The following OLFM2 variants were observed in gnomAD, a reference collection of about 807,000 sequenced individuals.
The protein encoded by OLFM2 is olfactomedin 2.
A neutral mutation model predicts 43.9 loss-of-function variants in OLFM2; 20 were observed. The ratio of observed to expected loss-of-function variants is 0.46; its 90% CI spans 0.32 to 0.66. The LOEUF is 0.66. Ranked by LOEUF, OLFM2 falls within the 30% of genes least tolerant of loss-of-function variation. The pLI, the probability that OLFM2 is intolerant of heterozygous loss-of-function variation, is 0.04. For synonymous variants in OLFM2, 268 were observed against 278.6 expected (o/e 0.96, Z 0.38); for missense variants, 416 against 643.6 (o/e 0.65, Z 3.83).
At position 9,931,898 on chromosome 19, in the gene OLFM2, T is replaced by C. The variant is rs553008004; in HGVS notation, c.63+4406A>G. On this transcript the variant is annotated intron_variant, in intron 1 of 5. Coordinates refer to ENST00000264833, the MANE Select transcript of OLFM2 (RefSeq NM_058164.4). Reference sequence around the variant, plus strand: ...GAATGGATTTTCTTGGTGCCTTCCATCCAGGAGCGAGTGTTCCCCTGACAC... The same window carrying C: ...GAATGGATTTTCTTGGTGCCTTCCACCCAGGAGCGAGTGTTCCCCTGACAC... Among the ~76,000 whole-genome samples the C allele has an allele frequency of 9.9e-5, 15 of 152,168 alleles. No homozygotes were observed. In the South Asian group the frequency reaches 1.0e-3, roughly 11 times the overall value.
intron 1 of OLFM2, among the ~76,000 whole-genome samples, chr19:9,935,695 ACT>A (rs1171316984): frequency 4.0e-5 from 6 of 151,650 alleles, no homozygotes; most frequent in Admixed American, 3.9e-4. Flanking sequence ...TCACACACAG[ACT>A]CTGTCTCACG....
chr19:9,875,011 T>C (rs1044419235), intron 1 of OLFM2, among the ~76,000 whole-genome samples: 3 of 152,188 alleles, frequency 2.0e-5, no homozygotes, highest in Non-Finnish European at 4.4e-5. Flanking sequence ...GCTTCCTAAA[T>C]GAACAAATAT....
intron 1 of OLFM2, among the ~76,000 whole-genome samples, chr19:9,909,950 T>C (rs1451271851): frequency 7.3e-6 from 1 of 137,120 alleles, no homozygotes; most frequent in Non-Finnish European, 1.6e-5. Context: ...GATTCAGTCA[T>C]TGGACAAATA....
At position 9,857,089 on chromosome 19, in the gene OLFM2, T is replaced by C; in HGVS notation, c.580+174A>G. The C allele has an allele frequency of 3.7e-6, 3 of 814,872 alleles. No individual in the cohort carries two copies. Among genetic ancestry groups the C allele is most frequent in the African/African-American group, 1.7e-5 (1 of 58,974 alleles). The allele number at this position is 814,872 out of a possible 1,614,324, so 50.5% of individuals were successfully genotyped here. On this transcript the variant is annotated intron_variant, in intron 4 of 5. Transcript: ENST00000264833. This position sits in a 1 kb window ranked among gnomAD's most constrained non-coding sequence, Gnocchi z 5.7. ...TGAGTGAGGGGTTAGAGGCCAAGGG[T>C]CAGGGCCATTTCCAGCTTCTGGACT...
At chr19:9,920,386 A>G (rs1300140382) in intron 1 of OLFM2, among the ~76,000 whole-genome samples, 1 of 152,100 alleles carries the variant, frequency 6.6e-6, no homozygotes, top group Non-Finnish European at 1.5e-5. Flanking sequence ...TGAGCCCAAG[A>G]TTCCTTGCTT....
intron 1 of OLFM2, among the ~76,000 whole-genome samples, chr19:9,870,626 GC>G (rs2046434553): frequency 6.6e-6 from 1 of 152,004 alleles, no homozygotes; most frequent in Non-Finnish European, 1.5e-5. Flanking sequence ...TCATCTCCAG[GC>G]CTTTGCACGG....
rs1165333101 is a variant in OLFM2 at position 9,909,355 on chromosome 19, G to A, written c.63+26949C>T. Among the ~76,000 whole-genome samples, 23 of 152,164 alleles carry A rather than the reference G, an allele frequency of 1.5e-4. 1 individual carries two copies. Among genetic ancestry groups the A allele is most frequent in the Admixed American group, 1.5e-3 (23 of 15,262 alleles). ...CTGGCAATACAGCTGACAGCTCTTA[G>A]TCTGGTCCTGGATTTATGATCCCCA... is the stretch of plus-strand genomic sequence containing the variant. On this transcript the variant is annotated intron_variant, in intron 1 of 5. Coordinates refer to ENST00000264833, the MANE Select transcript of OLFM2 (RefSeq NM_058164.4).
At chr19:9,906,226 C>T (rs551843688) in intron 1 of OLFM2, among the ~76,000 whole-genome samples, 11 of 152,216 alleles carry the variant, frequency 7.2e-5, no homozygotes, top group African/African-American at 2.6e-4. Context: ...AATTAAACAT[C>T]GAGACACTGT....
Position 9,860,637 on chromosome 19 carries a change from G to T in OLFM2, c.213+8C>A. The T allele has an allele frequency of 6.3e-7, 1 of 1,575,504 alleles. No homozygotes were observed. The highest frequency in any genetic ancestry group is 8.6e-7 in the Non-Finnish European group (1 of 1,159,664). ...CAGCTGCCCCCAGGGTACCTGGAAGGTTCTCACCTTCTCCATCAGTTGCCG... is the reference window on the plus strand; with the variant it reads ...CAGCTGCCCCCAGGGTACCTGGAAGTTTCTCACCTTCTCCATCAGTTGCCG... On this transcript the variant is annotated splice_region_variant and intron_variant, in intron 2 of 5. Coordinates refer to ENST00000264833, the MANE Select transcript of OLFM2 (RefSeq NM_058164.4).
At chr19:9,894,384 A>ATAG (rs2046663813) in intron 1 of OLFM2, among the ~76,000 whole-genome samples, 1 of 87,370 alleles carries the variant, frequency 1.1e-5, no homozygotes, top group African/African-American at 4.3e-5. Context: ...CTCAATAATA[A>ATAG]TAATAATAAT....
At position 9,921,946 on chromosome 19, in the gene OLFM2, T is replaced by C. The variant is rs377384197; in HGVS notation, c.63+14358A>G. On this transcript the variant is annotated intron_variant, in intron 1 of 5. Transcript: ENST00000264833. ...CCATCTCTAAAAAAACTACAAAAAT[T>C]AGCTGGGTGTGGTGGTGTGCACCTA... is the stretch of plus-strand genomic sequence containing the variant. 2.4e-4 allele frequency among the ~76,000 whole-genome samples: 37 copies of C among 152,070 alleles called. No homozygotes were observed. The East Asian group carries it at 6.8e-3, about 28-fold the overall frequency.
At chr19:9,868,207 C>A (rs1235229893) in intron 1 of OLFM2, among the ~76,000 whole-genome samples, 1 of 152,086 alleles carries the variant, frequency 6.6e-6, no homozygotes. Flanking sequence ...GGATTACAGG[C>A]ACCTGCCATT....
intron 1 of OLFM2, among the ~76,000 whole-genome samples, chr19:9,897,269 A>C (rs2046693962): frequency 6.6e-6 from 1 of 150,456 alleles, no homozygotes; most frequent in South Asian, 2.1e-4. Context: ...TGGAGGTTGC[A>C]GTGAGCCAAG....
chr19:9,893,401 G>A (rs1477256978), intron 1 of OLFM2, among the ~76,000 whole-genome samples: 1 of 152,114 alleles, frequency 6.6e-6, no homozygotes, highest in Non-Finnish European at 1.5e-5. Flanking sequence ...CCAACCTCAG[G>A]TGATCCACCC....
Position 9,854,980 on chromosome 19 carries a change from T to G in OLFM2, c.688-117A>C. 1.3e-6 allele frequency: 1 copy of G among 754,060 alleles called. No individual in the cohort carries two copies. The allele number at this position is 754,060 out of a possible 1,614,324, so 46.7% of individuals were successfully genotyped here. On this transcript the variant is annotated intron_variant, in intron 5 of 5. Coordinates refer to ENST00000264833, the MANE Select transcript of OLFM2 (RefSeq NM_058164.4). The surrounding 1 kb of genome is among the most constrained non-coding windows in gnomAD (Gnocchi z 9.5). ...CTAAGTGGTCATTAGTCATGGGAAC[T>G]CTGTTGACCATTCATTACCAATTAT...
At chr19:9,890,739 G>A (rs920408596) in intron 1 of OLFM2, among the ~76,000 whole-genome samples, 1 of 152,028 alleles carries the variant, frequency 6.6e-6, no homozygotes, top group Non-Finnish European at 1.5e-5. Flanking sequence ...AACTGCTTGA[G>A]GCCAGGAGTT....
At chr19:9,930,712 G>T (rs1377075166) in intron 1 of OLFM2, among the ~76,000 whole-genome samples, 1 of 151,754 alleles carries the variant, frequency 6.6e-6, no homozygotes, top group East Asian at 1.9e-4. Context: ...AATTTAGCCG[G>T]CTGTGGTGCT....
intron 1 of OLFM2, among the ~76,000 whole-genome samples, chr19:9,896,640 C>T: frequency 6.6e-6 from 1 of 152,202 alleles, no homozygotes; most frequent in Admixed American, 6.6e-5. Context: ...GCAATTCCCT[C>T]TGCGCAGAGC....
chr19:9,888,139 T>C lies in OLFM2; in HGVS notation c.64-27345A>G, dbSNP rs1303467276. The stretch of plus-strand genomic sequence containing the variant: ...TGCAAAACCCCAAACATATTTCTTC[T>C]ATATCACCTCTTTGCACTGGCTATC... On this transcript the variant is annotated intron_variant, in intron 1 of 5. Coordinates refer to ENST00000264833, the MANE Select transcript of OLFM2 (RefSeq NM_058164.4). Among the ~76,000 whole-genome samples, 9 of 152,158 alleles carry C rather than the reference T, an allele frequency of 5.9e-5. 1 individual carries two copies. The highest frequency in any genetic ancestry group is 5.9e-4 in the Admixed American group (9 of 15,246).
Sources: gnomAD v4.1 joint callset for allele counts (sites outside exome capture counted in the v4.1 genomes callset) on GRCh38, gnomAD v4.1.1 for gene constraint, Gnocchi (gnomAD v3.1) non-coding constraint, MANE v1.5 for transcripts, NCBI Gene and HGNC (gene_info 2026-07-23, HGNC 2026-07-21) for gene names.